Variants in RAB38 observed in about 807,000 individuals in gnomAD.
RAB38 encodes RAB38, member RAS oncogene family.
A neutral mutation model predicts 18.4 loss-of-function variants in RAB38; 15 were observed. The ratio of observed to expected loss-of-function variants is 0.82; its 90% CI spans 0.55 to 1.26. The LOEUF is 1.26. Among genes scored for constraint, RAB38 ranks in the 50% most tolerant of loss-of-function variants. RAB38 has a pLI of 0.00. For synonymous variants in RAB38, 101 were observed against 104.4 expected (o/e 0.97, Z 0.20); for missense variants, 294 against 267.4 (o/e 1.10, Z -0.69).
At chr11:88,049,669 C>T in the RAB38 span, among the ~76,000 whole-genome samples, 2 of 152,118 alleles carry the variant, frequency 1.3e-5, no homozygotes, top group Non-Finnish European at 2.9e-5. Flanking sequence ...GGGGACCTCC[C>T]TTGGGAGATC....
chr11:88,108,127 C>G, the RAB38 span, among the ~76,000 whole-genome samples: 1 of 152,154 alleles, frequency 6.6e-6, no homozygotes, highest in African/African-American at 2.4e-5. Flanking sequence ...CTCTAGATGT[C>G]TATTAGGTTC....
chr11:88,011,993 T>C, the RAB38 span, among the ~76,000 whole-genome samples: 3 of 152,174 alleles, frequency 2.0e-5, no homozygotes, highest in Admixed American at 6.5e-5. Flanking sequence ...ACTCTCTCTA[T>C]ATCCCTTCCT....
At chr11:88,090,291 G>C in the RAB38 span, among the ~76,000 whole-genome samples, 10 of 151,900 alleles carry the variant, frequency 6.6e-5, no homozygotes, top group Non-Finnish European at 1.3e-4. Context: ...AGTCAAATTC[G>C]AATGTGCTTC....
the RAB38 span, among the ~76,000 whole-genome samples, chr11:88,015,134 T>C: frequency 6.6e-6 from 1 of 152,100 alleles, no homozygotes; most frequent in African/African-American, 2.4e-5. Flanking sequence ...TGCCATTATT[T>C]TTCTTAAGAA....
At chr11:88,009,829 A>G in the RAB38 span, among the ~76,000 whole-genome samples, 1 of 152,114 alleles carries the variant, frequency 6.6e-6, no homozygotes, top group African/African-American at 2.4e-5. Context: ...CTTTATATAT[A>G]TTCAGGTTGA....
chr11:87,815,089 A>G, the RAB38 span: 1 of 152,182 alleles, frequency 6.6e-6, no homozygotes, highest in Non-Finnish European at 1.5e-5. Flanking sequence ...GATGGTAGAG[A>G]AGTTCATAAT....
chr11:88,045,643 T>G, the RAB38 span, among the ~76,000 whole-genome samples: 1 of 152,328 alleles, frequency 6.6e-6, no homozygotes, highest in East Asian at 1.9e-4. Flanking sequence ...CCAGATCTTC[T>G]TGGCTTAGCG....
At chr11:88,108,405 T>C (rs1002447231), downstream of RAB38, among the ~76,000 whole-genome samples, 9 of 152,260 alleles carry the variant, frequency 5.9e-5, no homozygotes, top group African/African-American at 1.7e-4. Context: ...TATTTGTTGG[T>C]TTAAAATCTG....
At chr11:88,171,326 A>G (rs1008532638) in intron 1 of RAB38, among the ~76,000 whole-genome samples, 5 of 152,218 alleles carry the variant, frequency 3.3e-5, no homozygotes, top group African/African-American at 1.2e-4. Context: ...ATAAATGACC[A>G]TGTGCTACCT....
At chr11:88,047,725 C>G in the RAB38 span, among the ~76,000 whole-genome samples, 1 of 152,294 alleles carries the variant, frequency 6.6e-6, no homozygotes, top group East Asian at 1.9e-4. Flanking sequence ...GCACCAGATC[C>G]CATTGCTCAG....
the RAB38 span, among the ~76,000 whole-genome samples, chr11:88,025,475 T>G: frequency 3.3e-5 from 5 of 152,338 alleles, no homozygotes; most frequent in African/African-American, 1.2e-4. Flanking sequence ...CCACAGTGGC[T>G]GAACTCATTT....
the RAB38 span, among the ~76,000 whole-genome samples, chr11:87,976,427 T>G: frequency 7.5e-6 from 1 of 134,196 alleles, no homozygotes; most frequent in African/African-American, 2.7e-5. Context: ...ATTTATATAT[T>G]ATGCATTTAT....
At chr11:87,963,305 A>G in the RAB38 span, among the ~76,000 whole-genome samples, 1 of 152,138 alleles carries the variant, frequency 6.6e-6, no homozygotes, top group African/African-American at 2.4e-5. Flanking sequence ...GGCCTGAGCA[A>G]AATTCCTAAC....
At chr11:88,151,594 C>T (rs1302771212) in intron 1 of RAB38, among the ~76,000 whole-genome samples, 1 of 152,020 alleles carries the variant, frequency 6.6e-6, no homozygotes, top group East Asian at 1.9e-4. Flanking sequence ...TTTAACAAGT[C>T]GACTTTTCTT....
the RAB38 span, among the ~76,000 whole-genome samples, chr11:87,953,006 A>T: frequency 7.2e-5 from 11 of 152,196 alleles, no homozygotes; most frequent in Non-Finnish European, 1.3e-4. Context: ...CATTAAAATT[A>T]AAATTTTAAT....
the RAB38 span, chr11:87,817,371 T>G: frequency 6.6e-6 from 1 of 152,182 alleles, no homozygotes; most frequent in African/African-American, 2.4e-5. Context: ...AGAGATCAAT[T>G]GAAACAATCC....
chr11:88,126,580 T>A (rs1942697799), intron 2 of RAB38, among the ~76,000 whole-genome samples: 1 of 152,044 alleles, frequency 6.6e-6, no homozygotes. Context: ...AGGGATAGCA[T>A]TAGGAGATAT....
At chr11:88,093,397 A>G in the RAB38 span, among the ~76,000 whole-genome samples, 4 of 151,944 alleles carry the variant, frequency 2.6e-5, no homozygotes, top group African/African-American at 9.7e-5. Flanking sequence ...TAATGGTTAT[A>G]GAGTTTATTT....
chr11:88,013,903 T>C, the RAB38 span, among the ~76,000 whole-genome samples: 3 of 152,134 alleles, frequency 2.0e-5, no homozygotes, highest in Non-Finnish European at 2.9e-5. Context: ...CCTTTACATA[T>C]TGCTACATAG....
Sources: allele counts gnomAD v4.1 joint callset (sites outside exome capture counted in the v4.1 genomes callset), GRCh38; gene constraint gnomAD v4.1.1; transcripts MANE v1.5; gene names NCBI Gene and HGNC (gene_info 2026-07-23, HGNC 2026-07-21).